The following RPL13 variants were observed in gnomAD, a reference collection of about 807,000 sequenced individuals.
RPL13 encodes ribosomal protein L13.
Under a neutral mutation model 21.4 loss-of-function variants are expected in RPL13, and 1 was observed. That is an observed-to-expected ratio of 0.05 (90% CI 0.02 to 0.22). RPL13 has a LOEUF of 0.22. RPL13 is among the 10% of genes least tolerant of loss of function. RPL13 has a pLI of 1.00. For synonymous variants in RPL13, 143 were observed against 120.5 expected (o/e 1.19, Z -1.23); for missense variants, 289 against 303.0 (o/e 0.95, Z 0.34).
At position 89,563,635 on chromosome 16, in the gene RPL13, G is replaced by C. The variant is rs750054727; in HGVS notation, c.*593G>C. The stretch of plus-strand genomic sequence containing the variant: ...GCTGGAGTACAGTGCCACAATCATG[G>C]CTCACTGCAGTCTTGAACTCATGGC... On this transcript the variant is annotated 3_prime_UTR_variant, in exon 6 of 6. Coordinates refer to ENST00000311528, the MANE Select transcript of RPL13 (RefSeq NM_000977.4). 6.6e-6 allele frequency: 1 copy of C among 151,912 alleles called. No homozygotes were observed. Among genetic ancestry groups the C allele is most frequent in the African/African-American group, 2.4e-5 (1 of 41,348 alleles). 9.4% of individuals were successfully genotyped at this position (151,912 alleles called of 1,614,324 possible).
chr16:89,565,642 A>AGTGGGGCCG (rs1567943924), downstream of RPL13: 1 of 145,774 alleles, frequency 6.9e-6, no homozygotes, highest in African/African-American at 2.8e-5. Context: ...GAGTGTGGCC[A>AGTGGGGCCG]TCCCTGAGTG....
In RPL13 at chr16:89,563,188, C is replaced by G. The variant is rs553289188; in HGVS notation, c.*146C>G. 2.7e-6 allele frequency: 2 copies of G among 727,814 alleles called. No individual in the cohort carries two copies. The highest frequency in any genetic ancestry group is 2.8e-4 in the Middle Eastern group (1 of 3,634). The allele number at this position is 727,814 out of a possible 1,614,324, so 45.1% of individuals were successfully genotyped here. A position where few individuals can be genotyped will look rare whatever the true frequency, so the allele number is the denominator to read the frequency against. ...TTTGGGGCTTTCTTGAAAGACAGTC[C>G]AAGCCCTGGATAATGCTTTACTTTC... On this transcript the variant is annotated 3_prime_UTR_variant, in exon 6 of 6. Coordinates refer to ENST00000311528, the MANE Select transcript of RPL13 (RefSeq NM_000977.4).
intron 5 of RPL13, 43 bp downstream of exon 5, chr16:89,562,434 G>C: frequency 6.3e-7 from 1 of 1,588,406 alleles, no homozygotes; most frequent in Non-Finnish European, 8.6e-7. Flanking sequence ...GACGAGATCA[G>C]TGGGTGAACA....
Position 89,562,322 on chromosome 16 carries a change from C to T in RPL13, c.421-13C>T, listed in dbSNP as rs772292014. On this transcript the variant is annotated splice_polypyrimidine_tract_variant and intron_variant, in intron 4 of 5. Transcript: ENST00000311528. The stretch of plus-strand genomic sequence containing the variant: ...GCGGCCAACCCCACTTAACTCTTCT[C>T]ATTCACCAACAGGCTGAAGAACTGA... 23 of 1,613,134 alleles carry T rather than the reference C, an allele frequency of 1.4e-5. No homozygotes were observed. The highest frequency in any genetic ancestry group is 4.0e-5 in the African/African-American group (3 of 74,906).
intron 4 of RPL13, 169 bp downstream of exon 4, chr16:89,561,920 AC>A (rs1295754997): frequency 2.7e-6 from 2 of 746,486 alleles, no homozygotes; most frequent in African/African-American, 3.5e-5. Context: ...CGCAGAGATA[AC>A]CTTAATGGAC....
intron 4 of RPL13, chr16:89,562,069 A>G: frequency 1.7e-6 from 1 of 586,632 alleles, no homozygotes; most frequent in South Asian, 2.2e-5. Context: ...GTTTCCGGGT[A>G]GTTAAATTAG....
In RPL13 at chr16:89,562,366, C is replaced by T; in HGVS notation, c.452C>T (p.Thr151Ile). Residue 151 changes from threonine to isoleucine, a missense_variant, in exon 5 of 6, where the codon ACC (threonine) becomes ATC (isoleucine). Transcript: ENST00000311528. ...AEELKLATQL[T>I]GPVMPVRNVY... ...GAACTGAAACTGGCCACCCAGCTGA[C>T]CGGACCGGTCATGCCCGTCCGGAAC... 2 of 1,613,084 alleles carry T rather than the reference C, an allele frequency of 1.2e-6. No individual in the cohort carries two copies. Among genetic ancestry groups the T allele is most frequent in the South Asian group, 1.1e-5 (1 of 90,914 alleles).
chr16:89,561,179 C>T (rs1597674106), intron 2 of RPL13, 48 bp from the exon 3 acceptor site: 2 of 1,515,676 alleles, frequency 1.3e-6, no homozygotes, highest in Middle Eastern at 2.3e-4. Flanking sequence ...GAGCGCTGGC[C>T]TGGCGGCCTT....
At chr16:89,561,206 C>T (rs1236980128) in intron 2 of RPL13, 21 bp from the exon 3 acceptor site, 1 of 1,534,998 alleles carries the variant, frequency 6.5e-7, no homozygotes, top group Non-Finnish European at 8.7e-7. Flanking sequence ...GGGTGACCGC[C>T]GCTGCGCTTC....
chr16:89,564,988 TCCTA>T (rs1429035625), downstream of RPL13: 1 of 152,332 alleles, frequency 6.6e-6, no homozygotes, highest in African/African-American at 2.4e-5. Context: ...CCGGGGGCCC[TCCTA>T]CCAGCCGACT....
intron 4 of RPL13, 24 bp from the exon 5 acceptor site, chr16:89,562,311 T>C: frequency 6.2e-7 from 1 of 1,613,116 alleles, no homozygotes; most frequent in Non-Finnish European, 8.5e-7. Flanking sequence ...CCAACCCCAC[T>C]TAACTCTTCT....
chr16:89,561,097 C>T (rs765694106), intron 2 of RPL13, 34 bp downstream of exon 2: 16 of 1,572,698 alleles, frequency 1.0e-5, no homozygotes, highest in East Asian at 4.7e-5. Flanking sequence ...CCCTGGGGCT[C>T]GTGCCCGCGG....
chr16:89,560,910 G>T, intron 1 of RPL13, 30 bp from the exon 2 acceptor site: 1 of 1,520,846 alleles, frequency 6.6e-7, no homozygotes, highest in East Asian at 2.5e-5. Context: ...CCGGGGTCCG[G>T]CCTCTCACTC....
At chr16:89,562,281 G>T in intron 4 of RPL13, 54 bp from the exon 5 acceptor site, 1 of 1,569,708 alleles carries the variant, frequency 6.4e-7, no homozygotes, top group Non-Finnish European at 8.8e-7. Context: ...GGTGAGGGTG[G>T]AGTCCTTGCA....
At chr16:89,562,450 G>T in intron 5 of RPL13, 59 bp downstream of exon 5, 1 of 1,540,062 alleles carries the variant, frequency 6.5e-7, no homozygotes, top group South Asian at 1.2e-5. Context: ...GAACACGTGG[G>T]TATCTGAGAT....
rs146770775 is a variant in RPL13 at position 89,561,010 on chromosome 16, C to G, written c.51C>G (p.Asp17Glu). The G allele has an allele frequency of 1.9e-6, 3 of 1,607,074 alleles. No individual in the cohort carries two copies. The highest frequency in any genetic ancestry group is 2.7e-5 in the African/African-American group (2 of 73,804). The part of the protein sequence containing the change: ...GMVLKPHFHK[D>E]WQRRVATWFN... ...TCTTGAAGCCCCACTTCCACAAGGA[C>G]TGGCAGCGGCGCGTGGCCACGTGGT... Residue 17 changes from aspartate (D) to glutamate (E), a missense_variant, in exon 2 of 6, where the codon GAC becomes GAG. Coordinates refer to ENST00000311528, the MANE Select transcript of RPL13 (RefSeq NM_000977.4).
chr16:89,562,165 C>A (rs1372014434), intron 4 of RPL13, 170 bp from the exon 5 acceptor site: 4 of 666,582 alleles, frequency 6.0e-6, no homozygotes, highest in Non-Finnish European at 1.1e-5. Context: ...ATATAGTCAC[C>A]TAACTAATAA....
At position 89,563,238 on chromosome 16, in the gene RPL13, T is replaced by C. The variant is rs544690145; in HGVS notation, c.*196T>C. On this transcript the variant is annotated 3_prime_UTR_variant, in exon 6 of 6. Coordinates refer to ENST00000311528, the MANE Select transcript of RPL13 (RefSeq NM_000977.4). Reference sequence around the variant, plus strand: ...CTGTGTTGAAGCACTGTTGGTTGTTTGGTTAGTGACTGATGTAAAACGGTT... The same window carrying C: ...CTGTGTTGAAGCACTGTTGGTTGTTCGGTTAGTGACTGATGTAAAACGGTT... The C allele has an allele frequency of 2.1e-6, 1 of 474,034 alleles. No individual in the cohort carries two copies. Among genetic ancestry groups the C allele is most frequent in the South Asian group, 7.1e-5 (1 of 14,076 alleles). 29.4% of individuals were successfully genotyped at this position (474,034 alleles called of 1,614,324 possible). A position where few individuals can be genotyped will look rare whatever the true frequency, so the allele number is the denominator to read the frequency against.
intron 2 of RPL13, 23 bp downstream of exon 2, chr16:89,561,086 C>T (rs772288690): frequency 1.3e-6 from 2 of 1,587,658 alleles, no homozygotes; most frequent in Non-Finnish European, 8.6e-7. Flanking sequence ...CTCGGGGCTG[C>T]CCCTGGGGCT....
Sources: allele counts gnomAD v4.1 joint callset, GRCh38; gene constraint gnomAD v4.1.1; transcripts MANE v1.5; gene names NCBI Gene and HGNC (gene_info 2026-07-23, HGNC 2026-07-21).